The following CTIF variants were observed in gnomAD, a reference collection of about 807,000 sequenced individuals.
CTIF encodes cap binding complex dependent translation initiation factor, also known as CBP80/20-dependent translation initiation factor.
In CTIF, 21 loss-of-function variants were observed where a neutral mutation model predicts 66.0. The observed-to-expected ratio is 0.32, with a 90% CI of 0.23 to 0.46. CTIF has a LOEUF of 0.46. Ranked by LOEUF, CTIF falls within the 20% of genes least tolerant of loss-of-function variation. The probability of loss-of-function intolerance (pLI) is 1.00; values close to 1 mark genes in which losing one functional copy is unlikely to be tolerated. For missense variants in CTIF, 739 were observed against 812.7 expected, an observed-to-expected ratio of 0.91 and a Z score of 1.10; for synonymous variants, 345 against 326.4, an observed-to-expected ratio of 1.06 and a Z score of -0.62.
At chr18:48,596,237 C>T (rs1384942152) in intron 1 of CTIF, among the ~76,000 whole-genome samples, 3 of 152,202 alleles carry the variant, frequency 2.0e-5, no homozygotes, top group African/African-American at 7.2e-5. Flanking sequence ...CTTACGTCTA[C>T]AGGCAGGCAG....
chr18:48,700,445 G>A (rs1389775718), intron 6 of CTIF, among the ~76,000 whole-genome samples: 1 of 152,238 alleles, frequency 6.6e-6, no homozygotes, highest in Admixed American at 6.5e-5. Context: ...GGACAGTGAT[G>A]AACCTGTTCA....
chr18:48,732,186 T>C (rs992281165), intron 7 of CTIF, among the ~76,000 whole-genome samples: 1 of 152,142 alleles, frequency 6.6e-6, no homozygotes, highest in African/African-American at 2.4e-5. Context: ...CAAGCAGGAC[T>C]CCCATTCCCT....
At position 48,539,309 on chromosome 18, in the gene CTIF, C is replaced by A. The variant is rs1053521621; in HGVS notation, c.-32C>A. Reference sequence around the variant, plus strand: ...CTTGGCGCGGCGGCCAGAGGAACCCCGAGGTGAGCATCTCCTCGCCCGTCC... The same window carrying A: ...CTTGGCGCGGCGGCCAGAGGAACCCAGAGGTGAGCATCTCCTCGCCCGTCC... On this transcript the variant is annotated 5_prime_UTR_variant, in exon 1 of 12. Transcript: ENST00000256413. 6.6e-6 allele frequency: 1 copy of A among 151,982 alleles called. No individual in the cohort carries two copies. Among genetic ancestry groups the A allele is most frequent in the Non-Finnish European group, 1.5e-5 (1 of 68,018 alleles). 9.4% of individuals were successfully genotyped at this position (151,982 alleles called of 1,614,324 possible).
intron 7 of CTIF, among the ~76,000 whole-genome samples, chr18:48,736,551 C>G (rs188986615): frequency 3.3e-5 from 5 of 152,354 alleles, no homozygotes; most frequent in Admixed American, 3.3e-4. Flanking sequence ...GATTTTCCTT[C>G]TGGGCATATA....
chr18:48,646,102 G>A (rs1480903445), intron 3 of CTIF, among the ~76,000 whole-genome samples: 1 of 152,166 alleles, frequency 6.6e-6, no homozygotes, highest in Non-Finnish European at 1.5e-5. Flanking sequence ...GCTCTGGGAA[G>A]GACCCTATTA....
chr18:48,600,054 T>C (rs1400286713), intron 1 of CTIF, among the ~76,000 whole-genome samples: 4 of 152,210 alleles, frequency 2.6e-5, no homozygotes, highest in Admixed American at 6.5e-5. Flanking sequence ...TCCATGCCTC[T>C]GATTCCTCAC....
At chr18:48,705,433 A>G (rs537389179) in intron 6 of CTIF, among the ~76,000 whole-genome samples, 1 of 152,362 alleles carries the variant, frequency 6.6e-6, no homozygotes, top group African/African-American at 2.4e-5. Context: ...TTAGGGCCCA[A>G]CTAAATCCCA....
chr18:48,857,095 C>G (rs151304340), intron 10 of CTIF, among the ~76,000 whole-genome samples: 147 of 152,344 alleles, frequency 9.6e-4, no homozygotes, highest in Non-Finnish European at 1.2e-3. Flanking sequence ...AGCACTGGGC[C>G]AGTGGAGAAG....
At chr18:48,643,443 G>A (rs949082823) in intron 3 of CTIF, among the ~76,000 whole-genome samples, 1 of 152,194 alleles carries the variant, frequency 6.6e-6, no homozygotes, top group South Asian at 2.1e-4. Context: ...ACTCTCCCTG[G>A]CCTGTCTGTG....
At chr18:48,768,091 G>T (rs566419357) in intron 9 of CTIF, among the ~76,000 whole-genome samples, 1 of 152,224 alleles carries the variant, frequency 6.6e-6, no homozygotes, top group African/African-American at 2.4e-5. Flanking sequence ...AGAAAACTGG[G>T]CCATTCCTCT....
At chr18:48,619,448 C>A in intron 1 of CTIF, 90 bp from the exon 2 acceptor site, 1 of 811,492 alleles carries the variant, frequency 1.2e-6, no homozygotes, top group Non-Finnish European at 1.8e-6. Context: ...TAAGAAGATG[C>A]TTCCAGGAGC....
At chr18:48,834,034 T>C (rs925406892) in intron 10 of CTIF, among the ~76,000 whole-genome samples, 2 of 120,408 alleles carry the variant, frequency 1.7e-5, no homozygotes, top group African/African-American at 2.9e-5. Flanking sequence ...CCCCCTCCTT[T>C]CCCCTCCCCT....
intron 1 of CTIF, among the ~76,000 whole-genome samples, chr18:48,577,923 A>G (rs1438362108): frequency 6.6e-6 from 1 of 152,208 alleles, no homozygotes; most frequent in Non-Finnish European, 1.5e-5. Context: ...AACCCTCAAC[A>G]CTATCTAACC....
Position 48,703,349 on chromosome 18 carries a change from G to A in CTIF, c.508-8270G>A, listed in dbSNP as rs183803797. On this transcript the variant is annotated intron_variant, in intron 6 of 11. Coordinates refer to ENST00000256413, the MANE Select transcript of CTIF (RefSeq NM_014772.3). Reference sequence around the variant, plus strand: ...GCAAGGTGTGCCTGGTGAGGAGCCCGGTGTGGCCACCTCCTGCCTGGGACC... The same window carrying A: ...GCAAGGTGTGCCTGGTGAGGAGCCCAGTGTGGCCACCTCCTGCCTGGGACC... 3.8e-3 allele frequency among the ~76,000 whole-genome samples: 584 copies of A among 152,260 alleles called. 4 individuals carry two copies. The highest frequency in any genetic ancestry group is 0.013 in the African/African-American group (558 of 41,544).
chr18:48,560,759 G>T (rs1340755074), intron 1 of CTIF, among the ~76,000 whole-genome samples: 1 of 151,854 alleles, frequency 6.6e-6, no homozygotes, highest in Admixed American at 6.6e-5. Flanking sequence ...TTTTTGTAGA[G>T]ACAGGGTTCC....
At chr18:48,758,724 G>T (rs956682014) in intron 8 of CTIF, among the ~76,000 whole-genome samples, 1 of 152,228 alleles carries the variant, frequency 6.6e-6, no homozygotes, top group African/African-American at 2.4e-5. Flanking sequence ...AGTGATGGGG[G>T]AGGTGCAGGG....
At chr18:48,839,278 C>T (rs1057104413) in intron 10 of CTIF, among the ~76,000 whole-genome samples, 5 of 152,138 alleles carry the variant, frequency 3.3e-5, no homozygotes, top group Non-Finnish European at 7.4e-5. Context: ...GGTGTCCTTC[C>T]CTCTCTTCCT....
chr18:48,579,921 T>C lies in CTIF; in HGVS notation c.-28-39617T>C, dbSNP rs58564121. On this transcript the variant is annotated intron_variant, in intron 1 of 11. Coordinates refer to ENST00000256413, the MANE Select transcript of CTIF (RefSeq NM_014772.3). ...GACCCTCTTGGAGACCCTCATCCATTCGTACAAAAAATGTTCACAAGTTAG... is the reference window on the plus strand; with the variant it reads ...GACCCTCTTGGAGACCCTCATCCATCCGTACAAAAAATGTTCACAAGTTAG... 1.6e-4 allele frequency among the ~76,000 whole-genome samples: 25 copies of C among 152,334 alleles called. 1 individual carries two copies. In the East Asian group the frequency reaches 4.8e-3, roughly 29 times the overall value.
At chr18:48,590,817 C>A (rs756080901) in intron 1 of CTIF, among the ~76,000 whole-genome samples, 7 of 152,148 alleles carry the variant, frequency 4.6e-5, no homozygotes, top group Non-Finnish European at 8.8e-5. Context: ...TCACCCTCCA[C>A]CCCGCCCCCA....
Sources: gnomAD v4.1 joint callset for allele counts (sites outside exome capture counted in the v4.1 genomes callset) on GRCh38, gnomAD v4.1.1 for gene constraint, MANE v1.5 for transcripts, NCBI Gene and HGNC (gene_info 2026-07-23, HGNC 2026-07-21) for gene names.